Variants in CSMD2 observed in about 807,000 individuals in gnomAD.
The protein encoded by CSMD2 is CUB and sushi domain-containing protein 2.
Under a neutral mutation model 398.5 loss-of-function variants are expected in CSMD2, and 130 were observed. The observed-to-expected ratio is 0.33, with a 90% CI of 0.28 to 0.38. The LOEUF (loss-of-function observed/expected upper bound fraction) is 0.38. CSMD2 is among the 10% of genes least tolerant of loss of function. The pLI, the probability that CSMD2 is intolerant of heterozygous loss-of-function variation, is 1.00. For synonymous variants in CSMD2, 1,828 were observed against 1,908.5 expected (o/e 0.96, Z 1.10); for missense variants, 3,829 against 4,764.9 (o/e 0.80, Z 5.78).
chr1:34,158,800 C>T (rs1168853010), intron 1 of CSMD2, among the ~76,000 whole-genome samples: 1 of 152,210 alleles, frequency 6.6e-6, no homozygotes, highest in Non-Finnish European at 1.5e-5. Flanking sequence ...TCTTTACCTA[C>T]CTGCTCTACA....
chr1:34,150,085 T>C (rs1640159666), intron 1 of CSMD2, among the ~76,000 whole-genome samples: 2 of 145,604 alleles, frequency 1.4e-5, no homozygotes, highest in Admixed American at 6.8e-5. Flanking sequence ...CTTTCTTTTT[T>C]TTTTGTTTTT....
intron 3 of CSMD2, among the ~76,000 whole-genome samples, chr1:33,995,712 A>G (rs1335128211): frequency 6.6e-6 from 1 of 152,208 alleles, no homozygotes; most frequent in Non-Finnish European, 1.5e-5. Flanking sequence ...GAGCTATGAG[A>G]GTTTACCATA....
chr1:34,091,875 G>A (rs544702382), intron 1 of CSMD2, among the ~76,000 whole-genome samples: 12 of 152,146 alleles, frequency 7.9e-5, no homozygotes, highest in Non-Finnish European at 1.3e-4. Flanking sequence ...GGGATTTCAC[G>A]GCTTATTGGA....
intron 15 of CSMD2, among the ~76,000 whole-genome samples, chr1:33,736,752 T>C (rs1646900779): frequency 6.6e-6 from 1 of 152,188 alleles, no homozygotes; most frequent in Non-Finnish European, 1.5e-5. Flanking sequence ...CACAGTCTTG[T>C]TGGGCAGACA....
intron 3 of CSMD2, among the ~76,000 whole-genome samples, chr1:33,951,315 T>TCAACTGGTGC (rs1361019029): frequency 1.3e-5 from 2 of 152,240 alleles, no homozygotes; most frequent in African/African-American, 4.8e-5. Flanking sequence ...ATTAACTCAT[T>TCAACTGGTGC]CAACTGGTGT....
intron 13 of CSMD2, among the ~76,000 whole-genome samples, chr1:33,751,934 G>GT (rs1295632416): frequency 6.6e-6 from 1 of 152,108 alleles, no homozygotes; most frequent in Non-Finnish European, 1.5e-5. Flanking sequence ...CAAGTTGGGT[G>GT]TTTTTTGTTT....
At chr1:33,791,105 C>A (rs572728298) in intron 11 of CSMD2, among the ~76,000 whole-genome samples, 6 of 152,288 alleles carry the variant, frequency 3.9e-5, no homozygotes, top group Non-Finnish European at 7.3e-5. Flanking sequence ...AGCCTCAGGA[C>A]AAGCCAGCTG....
Position 33,519,356 on chromosome 1 carries a change from C to T in CSMD2, c.*53+109G>A, listed in dbSNP as rs1654036410. On this transcript the variant is annotated intron_variant, in intron 70 of 70. Transcript: ENST00000373381. This position sits in a 1 kb window ranked among gnomAD's most constrained non-coding sequence, Gnocchi z 5.6. ...TGCTCAATGCACAGCTCTCCTCTTA[C>T]TGGGTGTGTCTATGTGGTGTGTGCG... 3.1e-6 allele frequency: 2 copies of T among 648,036 alleles called. No individual in the cohort carries two copies. The highest frequency in any genetic ancestry group is 5.4e-6 in the Non-Finnish European group (2 of 372,922). 40.1% of individuals were successfully genotyped at this position (648,036 alleles called of 1,614,324 possible).
chr1:34,016,740 T>A (rs984642786), intron 3 of CSMD2, among the ~76,000 whole-genome samples: 5 of 152,196 alleles, frequency 3.3e-5, no homozygotes, highest in African/African-American at 1.2e-4. Flanking sequence ...AACATATTTT[T>A]AAAATATATA....
chr1:33,592,450 G>A (rs777674357), intron 44 of CSMD2: 9 of 716,550 alleles, frequency 1.3e-5, no homozygotes, highest in Middle Eastern at 2.6e-4. Context: ...AGATGTGTGC[G>A]TGGAGGGGTG....
chr1:33,992,611 G>A (rs1233427511), intron 3 of CSMD2, among the ~76,000 whole-genome samples: 2 of 151,362 alleles, frequency 1.3e-5, no homozygotes, highest in African/African-American at 2.4e-5. Context: ...GCTCACGCCT[G>A]TAATCCCAGC....
chr1:33,620,806 CTT>C (rs34986869), intron 37 of CSMD2, among the ~76,000 whole-genome samples: 327 of 91,924 alleles, frequency 3.6e-3, no homozygotes, highest in African/African-American at 0.013. Context: ...TGTCCTGGGT[CTT>C]TTTTTTTTTT....
chr1:33,954,241 C>T (rs1047364321), intron 3 of CSMD2, among the ~76,000 whole-genome samples: 4 of 152,058 alleles, frequency 2.6e-5, no homozygotes, highest in Admixed American at 2.0e-4. Flanking sequence ...ACTAACTTGC[C>T]CTAGGTCGTA....
In CSMD2 at chr1:33,572,750, A is replaced by G. The variant is rs531251262; in HGVS notation, c.7577-59T>C. 4.0e-5 allele frequency: 56 copies of G among 1,389,452 alleles called. 1 individual carries two copies. The South Asian group carries it at 5.4e-4, about 13-fold the overall frequency. The allele number at this position is 1,389,452 out of a possible 1,614,324, so 86.1% of individuals were successfully genotyped here. A position where few individuals can be genotyped will look rare whatever the true frequency, so the allele number is the denominator to read the frequency against. ...TTTTAAGATGGTATTCTGAGAAACT[A>G]TTTTTATCCTTCCTCCCCTCCCAAG... On this transcript the variant is annotated intron_variant, in intron 49 of 70. Transcript: ENST00000373381.
At chr1:33,853,783 A>T (rs989115833) in intron 5 of CSMD2, among the ~76,000 whole-genome samples, 6 of 152,206 alleles carry the variant, frequency 3.9e-5, no homozygotes, top group African/African-American at 1.4e-4. Context: ...TGGGTTAAGA[A>T]CACTTTTATT....
At chr1:34,055,388 G>T (rs1653713004) in intron 2 of CSMD2, among the ~76,000 whole-genome samples, 1 of 152,056 alleles carries the variant, frequency 6.6e-6, no homozygotes, top group Non-Finnish European at 1.5e-5. Flanking sequence ...TTAGCATCAG[G>T]TCCCGTAGGT....
At chr1:33,935,661 G>A in intron 4 of CSMD2, 99 bp downstream of exon 4, 1 of 1,263,294 alleles carries the variant, frequency 7.9e-7, no homozygotes. Context: ...CTCCCTGCTG[G>A]GGTGTAGCTT....
rs140523055 is a variant in CSMD2 at position 33,666,750 on chromosome 1, C to T, written c.4053-3658G>A. Among the ~76,000 whole-genome samples, 409 of 152,186 alleles carry T rather than the reference C, an allele frequency of 2.7e-3. 1 individual carries two copies. Among genetic ancestry groups the T allele is most frequent in the African/African-American group, 9.4e-3 (391 of 41,514 alleles). On this transcript the variant is annotated intron_variant, in intron 25 of 70. Transcript: ENST00000373381. ...ATCCCTAGGACAGAGCACAAACACA[C>T]ATACTCACTGCTGTGCCAGGCTGCC...
At position 33,533,381 on chromosome 1, in the gene CSMD2, A is replaced by C; in HGVS notation, c.9992-152T>G. ...ATCCCCCTCCCTAATCCTCCACCCT[A>C]ACCCAAGCTCTGTGTCTAGAGGAAT... On this transcript the variant is annotated intron_variant, in intron 63 of 70. Coordinates refer to ENST00000373381, the MANE Select transcript of CSMD2 (RefSeq NM_001281956.2). This position sits in a 1 kb window ranked among gnomAD's most constrained non-coding sequence, Gnocchi z 4.2. The C allele has an allele frequency of 2.8e-6, 2 of 722,582 alleles. No homozygotes were observed. Among genetic ancestry groups the C allele is most frequent in the Non-Finnish European group, 4.5e-6 (2 of 440,578 alleles). The allele number at this position is 722,582 out of a possible 1,614,324, so 44.8% of individuals were successfully genotyped here. A position where few individuals can be genotyped will look rare whatever the true frequency, so the allele number is the denominator to read the frequency against.
Sources: gnomAD v4.1 joint callset for allele counts (sites outside exome capture counted in the v4.1 genomes callset) on GRCh38, gnomAD v4.1.1 for gene constraint, Gnocchi (gnomAD v3.1) non-coding constraint, MANE v1.5 for transcripts, NCBI Gene and HGNC (gene_info 2026-07-23, HGNC 2026-07-21) for gene names.